ITGA9: variants seen among roughly 807,000 people sequenced by gnomAD.
ITGA9 encodes integrin subunit alpha 9.
Under a neutral mutation model 127.8 loss-of-function variants are expected in ITGA9, and 56 were observed. That is an observed-to-expected ratio of 0.44 (90% CI 0.35 to 0.55). ITGA9 has a LOEUF of 0.55. Among genes scored for constraint, ITGA9 ranks in the 20% least tolerant of loss-of-function variants. ITGA9 has a pLI of 0.00. For synonymous variants in ITGA9, 508 were observed against 514.5 expected, an observed-to-expected ratio of 0.99 and a Z score of 0.17; for missense variants, 1,196 against 1,347.1, an observed-to-expected ratio of 0.89 and a Z score of 1.76.
intron 4 of ITGA9, among the ~76,000 whole-genome samples, chr3:37,487,985 A>G (rs1247855488): frequency 6.6e-6 from 1 of 152,182 alleles, no homozygotes; most frequent in Non-Finnish European, 1.5e-5. Flanking sequence ...AGACTGATAA[A>G]ATGTAGCCAG....
intron 2 of ITGA9, among the ~76,000 whole-genome samples, chr3:37,472,777 T>A (rs1698447030): frequency 6.6e-6 from 1 of 152,238 alleles, no homozygotes; most frequent in African/African-American, 2.4e-5. Context: ...TGTTTGTTAC[T>A]GGTGCATAAC....
chr3:37,544,636 GAGTGCAGATCC>G (rs1699308048), intron 15 of ITGA9, among the ~76,000 whole-genome samples: 1 of 152,076 alleles, frequency 6.6e-6, no homozygotes, highest in Non-Finnish European at 1.5e-5. Flanking sequence ...CAGGGCTCTC[GAGTGCAGATCC>G]AGCACAGACC....
At chr3:37,817,355 T>C (rs1350113474) in intron 27 of ITGA9, among the ~76,000 whole-genome samples, 1 of 152,182 alleles carries the variant, frequency 6.6e-6, no homozygotes, top group Non-Finnish European at 1.5e-5. Context: ...CAGCACCAGG[T>C]CAAGTGTGTG....
chr3:37,472,818 C>G (rs968072592), intron 2 of ITGA9, among the ~76,000 whole-genome samples: 1 of 152,170 alleles, frequency 6.6e-6, no homozygotes, highest in Non-Finnish European at 1.5e-5. Flanking sequence ...GAACATAAAT[C>G]AAGGCCCTGC....
intron 4 of ITGA9, among the ~76,000 whole-genome samples, chr3:37,482,980 G>A (rs1457208779): frequency 1.3e-5 from 2 of 152,308 alleles, no homozygotes; most frequent in Admixed American, 1.3e-4. Flanking sequence ...CGCAAAGCAT[G>A]TGTCAAGCCT....
At chr3:37,801,727 A>C (rs1049711754) in intron 26 of ITGA9, among the ~76,000 whole-genome samples, 6 of 152,198 alleles carry the variant, frequency 3.9e-5, no homozygotes, top group African/African-American at 1.4e-4. Flanking sequence ...TCCATTTGTC[A>C]AGGGCGGACT....
chr3:37,624,809 G>A (rs1189172310), intron 15 of ITGA9, among the ~76,000 whole-genome samples: 4 of 151,994 alleles, frequency 2.6e-5, no homozygotes, highest in Admixed American at 1.3e-4. Context: ...GTTTCACCAC[G>A]TTGGCCAGGC....
chr3:37,655,687 C>A (rs1482140549), intron 17 of ITGA9, among the ~76,000 whole-genome samples: 1 of 152,134 alleles, frequency 6.6e-6, no homozygotes, highest in Non-Finnish European at 1.5e-5. Flanking sequence ...TGCAGAAGCT[C>A]TTTAGTTTAG....
intron 18 of ITGA9, among the ~76,000 whole-genome samples, chr3:37,691,336 C>T (rs1700830217): frequency 6.6e-6 from 1 of 152,028 alleles, no homozygotes; most frequent in South Asian, 2.1e-4. Context: ...TAGCATACAC[C>T]TCACAGTGTG....
intron 15 of ITGA9, among the ~76,000 whole-genome samples, chr3:37,556,315 A>G (rs1559535714): frequency 6.6e-6 from 1 of 152,182 alleles, no homozygotes; most frequent in Non-Finnish European, 1.5e-5. Flanking sequence ...TACCCTGCAA[A>G]TCTTTTCCTC....
chr3:37,715,095 G>A (rs1200348534), intron 18 of ITGA9, among the ~76,000 whole-genome samples: 3 of 152,204 alleles, frequency 2.0e-5, no homozygotes, highest in Admixed American at 1.3e-4. Flanking sequence ...GCTCAGGACA[G>A]GTTAGCTCCA....
intron 25 of ITGA9, among the ~76,000 whole-genome samples, chr3:37,781,611 G>A (rs893694715): frequency 6.6e-6 from 1 of 152,214 alleles, no homozygotes; most frequent in Non-Finnish European, 1.5e-5. Flanking sequence ...GGTGAGAGCT[G>A]CTGAGAGGCC....
At chr3:37,739,432 C>G (rs1396115713) in intron 20 of ITGA9, among the ~76,000 whole-genome samples, 2 of 152,274 alleles carry the variant, frequency 1.3e-5, no homozygotes, top group Non-Finnish European at 2.9e-5. Flanking sequence ...CACCCACACA[C>G]AGCGCTTGAC....
chr3:37,725,742 C>T (rs544783304), intron 18 of ITGA9, among the ~76,000 whole-genome samples: 4 of 152,322 alleles, frequency 2.6e-5, no homozygotes, highest in South Asian at 2.1e-4. Flanking sequence ...TGTACTCCAT[C>T]CTACACGCAT....
intron 21 of ITGA9, among the ~76,000 whole-genome samples, chr3:37,742,772 G>A (rs1284009227): frequency 6.6e-6 from 1 of 152,222 alleles, no homozygotes; most frequent in African/African-American, 2.4e-5. Context: ...ACTGCTGGGA[G>A]CCAGTGGAAT....
At chr3:37,561,437 T>TATGCAGTAA (rs1176009446) in intron 15 of ITGA9, among the ~76,000 whole-genome samples, 3 of 152,184 alleles carry the variant, frequency 2.0e-5, no homozygotes, top group Non-Finnish European at 4.4e-5. Flanking sequence ...TCATAAAACA[T>TATGCAGTAA]ATGCAGTTCC....
intron 19 of ITGA9, among the ~76,000 whole-genome samples, chr3:37,736,302 G>A (rs1409348753): frequency 6.6e-6 from 1 of 152,162 alleles, no homozygotes; most frequent in Non-Finnish European, 1.5e-5. Context: ...ACACTCAGGA[G>A]AACGTCTCCA....
intron 17 of ITGA9, among the ~76,000 whole-genome samples, chr3:37,667,512 A>C (rs1700597520): frequency 6.6e-6 from 1 of 152,234 alleles, no homozygotes; most frequent in Non-Finnish European, 1.5e-5. Context: ...TGAGCCCTGC[A>C]TCATCCTGGG....
At chr3:37,511,891 G>A (rs1698908439) in intron 8 of ITGA9, among the ~76,000 whole-genome samples, 1 of 152,054 alleles carries the variant, frequency 6.6e-6, no homozygotes. Context: ...TAAAAGAAAA[G>A]GCTTGTTCAT....
Sources: allele counts gnomAD v4.1 joint callset (sites outside exome capture counted in the v4.1 genomes callset), GRCh38; gene constraint gnomAD v4.1.1; transcripts MANE v1.5; gene names NCBI Gene and HGNC (gene_info 2026-07-23, HGNC 2026-07-21).